LRMDA: variants seen among roughly 807,000 people sequenced by gnomAD.
The protein encoded by LRMDA is leucine rich melanocyte differentiation associated, also known as leucine-rich melanocyte differentiation-associated protein.
In LRMDA, 18 loss-of-function variants were observed where a neutral mutation model predicts 29.8. The observed-to-expected ratio is 0.60, with a 90% CI of 0.42 to 0.90. The LOEUF (loss-of-function observed/expected upper bound fraction) is 0.90. Among genes scored for constraint, LRMDA ranks in the 40% least tolerant of loss-of-function variants. The probability of loss-of-function intolerance (pLI) is 0.00; values close to 1 mark genes in which losing one functional copy is unlikely to be tolerated. For missense variants in LRMDA, 273 were observed against 273.9 expected (o/e 1.00, Z 0.02); for synonymous variants, 125 against 109.4 (o/e 1.14, Z -0.89).
At position 76,466,663 on chromosome 10, in the gene LRMDA, G is replaced by A. The variant is rs554484534; in HGVS notation, c.602-90546G>A. Among the ~76,000 whole-genome samples, 47 of 152,238 alleles carry A rather than the reference G, an allele frequency of 3.1e-4. 1 individual carries two copies. The South Asian group carries it at 9.7e-3, about 32-fold the overall frequency. Reference sequence around the variant, plus strand: ...GGACAAAAGTTATCCGGGCATGGTGGTGTGTGCCTGTAGTCCCAGCTACTC... The same window carrying A: ...GGACAAAAGTTATCCGGGCATGGTGATGTGTGCCTGTAGTCCCAGCTACTC... On this transcript the variant is annotated intron_variant, in intron 6 of 6. Coordinates refer to ENST00000611255, the MANE Select transcript of LRMDA (RefSeq NM_001305581.2).
chr10:75,576,074 G>A (rs900617917), intron 2 of LRMDA, among the ~76,000 whole-genome samples: 1 of 152,072 alleles, frequency 6.6e-6, no homozygotes, highest in African/African-American at 2.4e-5. Context: ...GTCTGGCTTG[G>A]CGGGTCCCAC....
intron 5 of LRMDA, among the ~76,000 whole-genome samples, chr10:76,173,789 T>G (rs1470718037): frequency 6.6e-6 from 1 of 152,068 alleles, no homozygotes; most frequent in South Asian, 2.1e-4. Context: ...GCCTCCCGAG[T>G]AGCTGGGACT....
At chr10:75,969,240 G>C (rs750252554) in intron 2 of LRMDA, among the ~76,000 whole-genome samples, 1 of 152,194 alleles carries the variant, frequency 6.6e-6, no homozygotes. Flanking sequence ...GCTCTCAGCT[G>C]CTTCTTTTCT....
intron 2 of LRMDA, among the ~76,000 whole-genome samples, chr10:75,753,752 A>G (rs542252100): frequency 2.9e-4 from 44 of 152,280 alleles, no homozygotes; most frequent in African/African-American, 9.9e-4. Context: ...TGTGTTTTTC[A>G]CAGCCACACT....
intron 2 of LRMDA, among the ~76,000 whole-genome samples, chr10:76,028,680 G>A (rs1446960272): frequency 2.6e-5 from 4 of 152,070 alleles, no homozygotes; most frequent in Non-Finnish European, 5.9e-5. Flanking sequence ...TACCCATAGA[G>A]CAATTTGAGC....
At position 76,496,655 on chromosome 10, in the gene LRMDA, A is replaced by G. The variant is rs1202982604; in HGVS notation, c.602-60554A>G. Among the ~76,000 whole-genome samples the G allele has an allele frequency of 5.4e-5, 4 of 74,530 alleles. 2 individuals carry two copies. The highest frequency in any genetic ancestry group is 1.8e-4 in the Non-Finnish European group (4 of 22,570). The allele number at this position is 74,530 out of a possible 152,430, so 48.9% of individuals were successfully genotyped here. A position where few individuals can be genotyped will look rare whatever the true frequency, so the allele number is the denominator to read the frequency against. On this transcript the variant is annotated intron_variant, in intron 6 of 6. Transcript: ENST00000611255. ...TTGGGTCTTGATTATTACATTTCAA[A>G]CTCTACTATCTGTAAGCAAAAGAGA...
intron 2 of LRMDA, among the ~76,000 whole-genome samples, chr10:75,477,330 A>G (rs780088659): frequency 6.6e-6 from 1 of 152,096 alleles, no homozygotes; most frequent in Non-Finnish European, 1.5e-5. Context: ...TTATCTCTTT[A>G]AAGACCCTGT....
chr10:76,233,413 C>T (rs1852095949), intron 5 of LRMDA, among the ~76,000 whole-genome samples: 1 of 152,130 alleles, frequency 6.6e-6, no homozygotes. Context: ...TTCAGAGTTG[C>T]TGGCTGCTGA....
chr10:75,886,152 T>C (rs1303169035), intron 2 of LRMDA, among the ~76,000 whole-genome samples: 1 of 152,238 alleles, frequency 6.6e-6, no homozygotes, highest in African/African-American at 2.4e-5. Flanking sequence ...CCCCATCTTC[T>C]AGTTGACATT....
intron 2 of LRMDA, among the ~76,000 whole-genome samples, chr10:75,588,460 A>G (rs1258267881): frequency 6.6e-6 from 1 of 152,238 alleles, no homozygotes; most frequent in Non-Finnish European, 1.5e-5. Flanking sequence ...CAAAATGCAT[A>G]GAAACTTCCC....
chr10:76,047,222 A>C lies in LRMDA; in HGVS notation c.317A>C (p.Tyr106Ser). The change falls in exon 4 of 7, where the codon TAC (tyrosine) becomes TCC (serine). Residue 106 changes from tyrosine (Y) to serine (S), a missense_variant. By Grantham distance (144) the Tyr-to-Ser change is moderately radical. Coordinates refer to ENST00000611255, the MANE Select transcript of LRMDA (RefSeq NM_001305581.2). ...HLAEVTPALE[Y>S]LSLLGNVACP... ...GCAGAAGTGACACCAGCTCTGGAGT[A>C]CCTCAGTCTGCTGGGCAACGTGGCC... 6.2e-7 allele frequency: 1 copy of C among 1,614,070 alleles called. No homozygotes were observed. Among genetic ancestry groups the C allele is most frequent in the Non-Finnish European group, 8.5e-7 (1 of 1,179,964 alleles).
chr10:76,356,715 G>A (rs1263933453), intron 6 of LRMDA, among the ~76,000 whole-genome samples: 2 of 152,034 alleles, frequency 1.3e-5, no homozygotes, highest in African/African-American at 4.8e-5. Flanking sequence ...TCATCTGTAG[G>A]CATTTTACAA....
chr10:75,740,202 G>A (rs368583847), intron 2 of LRMDA, among the ~76,000 whole-genome samples: 1 of 152,162 alleles, frequency 6.6e-6, no homozygotes, highest in Non-Finnish European at 1.5e-5. Context: ...CCATGCCATC[G>A]ACATCAATTT....
At chr10:76,429,387 A>G (rs1269060389) in intron 6 of LRMDA, among the ~76,000 whole-genome samples, 3 of 152,156 alleles carry the variant, frequency 2.0e-5, no homozygotes, top group Non-Finnish European at 4.4e-5. Flanking sequence ...TACATGCACA[A>G]TATTTCTCCC....
At chr10:75,990,505 T>C (rs1423195182) in intron 2 of LRMDA, among the ~76,000 whole-genome samples, 1 of 152,204 alleles carries the variant, frequency 6.6e-6, no homozygotes, top group Non-Finnish European at 1.5e-5. Context: ...TTAGTAGCTA[T>C]TAATGCATTA....
chr10:76,480,021 C>T (rs1057295342), intron 6 of LRMDA, among the ~76,000 whole-genome samples: 2 of 151,936 alleles, frequency 1.3e-5, no homozygotes, highest in African/African-American at 4.8e-5. Context: ...ATTTTACTTA[C>T]ATTATTTCAT....
intron 2 of LRMDA, among the ~76,000 whole-genome samples, chr10:75,552,746 A>G (rs188639534): frequency 1.3e-5 from 2 of 150,352 alleles, no homozygotes; most frequent in Admixed American, 1.3e-4. Flanking sequence ...TAGCTCTCAT[A>G]TGCTTTTTTT....
At chr10:76,114,835 C>T (rs966657900) in intron 5 of LRMDA, among the ~76,000 whole-genome samples, 3 of 152,226 alleles carry the variant, frequency 2.0e-5, no homozygotes, top group East Asian at 1.9e-4. Flanking sequence ...AAAACCAACA[C>T]TCGGAGAGAA....
intron 5 of LRMDA, among the ~76,000 whole-genome samples, chr10:76,139,269 T>C (rs866679278): frequency 1.3e-5 from 2 of 152,300 alleles, no homozygotes; most frequent in Admixed American, 6.5e-5. Context: ...ATGCTGTTAG[T>C]AGATAAATTA....
Sources: gnomAD v4.1 joint callset for allele counts (sites outside exome capture counted in the v4.1 genomes callset) on GRCh38, gnomAD v4.1.1 for gene constraint, MANE v1.5 for transcripts, NCBI Gene and HGNC (gene_info 2026-07-23, HGNC 2026-07-21) for gene names.